The following ME3 variants were observed in gnomAD, a reference collection of about 807,000 sequenced individuals.
ME3 encodes the protein NADP-dependent malic enzyme, mitochondrial.
Under a neutral mutation model 68.9 loss-of-function variants are expected in ME3, and 48 were observed. The ratio of observed to expected loss-of-function variants is 0.70; its 90% CI spans 0.55 to 0.89. ME3 has a LOEUF of 0.89. Ranked by LOEUF, ME3 falls within the 40% of genes least tolerant of loss-of-function variation. ME3 has a pLI of 0.00. For missense variants in ME3, 675 were observed against 797.4 expected, an observed-to-expected ratio of 0.85 and a Z score of 1.85; for synonymous variants, 320 against 318.8, an observed-to-expected ratio of 1.00 and a Z score of -0.04.
At chr11:86,603,265 A>C (rs1961026355) in intron 2 of ME3, among the ~76,000 whole-genome samples, 1 of 149,882 alleles carries the variant, frequency 6.7e-6, no homozygotes, top group African/African-American at 2.4e-5. Context: ...AAAAACAAAC[A>C]ACCCCATCAA....
intron 7 of ME3, among the ~76,000 whole-genome samples, chr11:86,476,845 C>T (rs1202850718): frequency 6.6e-6 from 1 of 152,010 alleles, no homozygotes; most frequent in Non-Finnish European, 1.5e-5. Context: ...TTTTTTCCTT[C>T]CTAGGTTTAG....
intron 4 of ME3, among the ~76,000 whole-genome samples, chr11:86,514,237 G>T (rs1348550880): frequency 6.6e-6 from 1 of 152,146 alleles, no homozygotes. Flanking sequence ...ATGTGGAACT[G>T]CAAGTCTATT....
chr11:86,459,049 G>A (rs536562323), intron 8 of ME3, among the ~76,000 whole-genome samples: 1 of 152,378 alleles, frequency 6.6e-6, no homozygotes, highest in Admixed American at 6.5e-5. Flanking sequence ...CTGGGGAAGA[G>A]TGGGATCATT....
intron 2 of ME3, among the ~76,000 whole-genome samples, chr11:86,585,467 G>T (rs990661739): frequency 6.6e-6 from 1 of 152,120 alleles, no homozygotes; most frequent in African/African-American, 2.4e-5. Context: ...AGAGAGAGGG[G>T]TCAAGGATCA....
At chr11:86,647,006 G>T (rs1419399390) in intron 2 of ME3, among the ~76,000 whole-genome samples, 1 of 152,172 alleles carries the variant, frequency 6.6e-6, no homozygotes, top group Non-Finnish European at 1.5e-5. Context: ...AATGCTGAGG[G>T]ATTTTGTCAC....
chr11:86,489,404 CAT>C (rs1356493775), intron 6 of ME3, among the ~76,000 whole-genome samples: 5 of 152,218 alleles, frequency 3.3e-5, no homozygotes, highest in Admixed American at 3.3e-4. Flanking sequence ...TGAATTATAA[CAT>C]ATGCTATAAA....
chr11:86,436,915 T>A (rs572973192), downstream of ME3: 1 of 152,358 alleles, frequency 6.6e-6, no homozygotes, highest in South Asian at 2.1e-4. Flanking sequence ...TTTATTTATA[T>A]GACCACACAG....
intron 4 of ME3, among the ~76,000 whole-genome samples, chr11:86,528,331 TAC>T (rs1473083920): frequency 6.6e-6 from 1 of 152,208 alleles, no homozygotes; most frequent in Non-Finnish European, 1.5e-5. Flanking sequence ...ATGCACTGAA[TAC>T]AGGAGCACCC....
At chr11:86,541,449 A>C (rs1164102718) in intron 4 of ME3, among the ~76,000 whole-genome samples, 1 of 152,124 alleles carries the variant, frequency 6.6e-6, no homozygotes, top group East Asian at 1.9e-4. Context: ...GGGACACTTG[A>C]GCTTGATGGC....
chr11:86,562,124 C>T (rs955692118), intron 2 of ME3, among the ~76,000 whole-genome samples: 1 of 152,130 alleles, frequency 6.6e-6, no homozygotes, highest in South Asian at 2.1e-4. Flanking sequence ...TTTACTGACT[C>T]TACATTTTCA....
rs552002464 is a variant in ME3, at chr11:86,509,161, A to G, written c.468-294T>C. Among the ~76,000 whole-genome samples, 10 of 152,300 alleles carry G rather than the reference A, an allele frequency of 6.6e-5. No homozygotes were observed. In the East Asian group the frequency reaches 1.9e-3, roughly 29 times the overall value. On this transcript the variant is annotated intron_variant, in intron 4 of 14. Coordinates refer to ENST00000543262, the Ensembl canonical transcript of ME3. ...CTAGACCAGTACCCAAGATGCCAGA[A>G]TTCCCTGACCAAATGACCCCAAGGC... is the stretch of plus-strand genomic sequence containing the variant.
chr11:86,637,604 A>C (rs764701596), intron 2 of ME3, among the ~76,000 whole-genome samples: 1 of 152,072 alleles, frequency 6.6e-6, no homozygotes, highest in Non-Finnish European at 1.5e-5. Flanking sequence ...CAGACTAGGG[A>C]GTAGGGATGA....
intron 8 of ME3, chr11:86,464,235 C>G (rs1950366748): frequency 5.9e-6 from 2 of 337,974 alleles, no homozygotes; most frequent in Non-Finnish European, 1.2e-5. Flanking sequence ...TAAAAGATTG[C>G]TTGGCAAACT....
At position 86,657,442 on chromosome 11, in the gene ME3, G is replaced by A. The variant is rs910808820; in HGVS notation, c.183+14320C>T. 1.3e-4 allele frequency among the ~76,000 whole-genome samples: 19 copies of A among 144,940 alleles called. 1 individual carries two copies. The highest frequency in any genetic ancestry group is 5.0e-4 in the Admixed American group (7 of 14,038). Reference sequence around the variant, plus strand: ...ATGAGAACACATGGACACAAGGAGGGGAACATCATACATTGGGGCCTGTAG... The same window carrying A: ...ATGAGAACACATGGACACAAGGAGGAGAACATCATACATTGGGGCCTGTAG... On this transcript the variant is annotated intron_variant, in intron 2 of 14. Transcript: ENST00000543262.
rs529997655 is a variant in ME3 at position 86,529,868 on chromosome 11, G to A, written c.468-21001C>T. ...TGGGACATATCTCAAAATAATAAGGGTTGTCTATGACAAACCCACAGCCAA... is the reference window on the plus strand; with the variant it reads ...TGGGACATATCTCAAAATAATAAGGATTGTCTATGACAAACCCACAGCCAA... On this transcript the variant is annotated intron_variant, in intron 4 of 14. Transcript: ENST00000543262. Among the ~76,000 whole-genome samples, 7 of 152,234 alleles carry A rather than the reference G, an allele frequency of 4.6e-5. No homozygotes were observed. In the East Asian group the frequency reaches 1.3e-3, roughly 29 times the overall value.
At chr11:86,609,952 G>A (rs1023632017) in intron 2 of ME3, among the ~76,000 whole-genome samples, 28 of 152,120 alleles carry the variant, frequency 1.8e-4, no homozygotes, top group East Asian at 1.9e-4. Flanking sequence ...TTCTTTATGC[G>A]CTCTGCATTT....
intron 4 of ME3, among the ~76,000 whole-genome samples, chr11:86,520,785 C>T (rs1954215665): frequency 6.6e-6 from 1 of 152,216 alleles, no homozygotes; most frequent in Non-Finnish European, 1.5e-5. Context: ...TGGTCTATTC[C>T]TTTCTCTGAA....
At chr11:86,600,017 A>G (rs1960317297) in intron 2 of ME3, among the ~76,000 whole-genome samples, 1 of 151,796 alleles carries the variant, frequency 6.6e-6, no homozygotes, top group Non-Finnish European at 1.5e-5. Context: ...AAGACTATCA[A>G]GATTAGGAAG....
exon 8 of ME3, chr11:86,465,190 T>A: frequency 1.9e-6 from 3 of 1,612,970 alleles, no homozygotes; most frequent in Non-Finnish European, 2.5e-6. Flanking sequence ...ATGAGGCAAT[T>A]TATTCCAAAC....
Sources: allele counts gnomAD v4.1 joint callset (sites outside exome capture counted in the v4.1 genomes callset), GRCh38; gene constraint gnomAD v4.1.1; transcripts MANE v1.5; gene names NCBI Gene and HGNC (gene_info 2026-07-23, HGNC 2026-07-21).